The following CASK variants were observed in gnomAD, a reference collection of about 807,000 sequenced individuals.
CASK encodes calcium/calmodulin dependent serine protein kinase, also known as peripheral plasma membrane protein CASK.
Under a neutral mutation model 82.9 loss-of-function variants are expected in CASK, and 4 were observed. The observed-to-expected ratio is 0.05, with a 90% CI of 0.02 to 0.11. The LOEUF (loss-of-function observed/expected upper bound fraction) is 0.11, where lower values mean the gene tolerates loss of function less well. CASK is among the 10% of genes least tolerant of loss of function. The pLI is 1.00. For synonymous variants in CASK, 259 were observed against 253.5 expected, an observed-to-expected ratio of 1.02 and a Z score of -0.20; for missense variants, 358 against 720.9, an observed-to-expected ratio of 0.50 and a Z score of 5.76.
chrX:41,896,434 TAGGGA>T (rs1221304399), intron 1 of CASK, among the ~76,000 whole-genome samples: 2 of 112,029 alleles, frequency 1.8e-5, no homozygotes, highest in Non-Finnish European at 3.8e-5. Flanking sequence ...ACAGATAATA[TAGGGA>T]AAAGACAATG....
intron 7 of CASK, among the ~76,000 whole-genome samples, chrX:41,664,539 C>T (rs746359162): frequency 9.0e-5 from 10 of 111,712 alleles, no homozygotes; most frequent in Non-Finnish European, 1.7e-4. Flanking sequence ...CCCAGACACA[C>T]ACATCCCCAT....
intron 8 of CASK, among the ~76,000 whole-genome samples, chrX:41,650,662 C>CTAATTACTTAGAGTAATTACTCAG (rs1162553768): frequency 3.7e-5 from 4 of 109,034 alleles, no homozygotes; most frequent in African/African-American, 6.7e-5. Context: ...CCACCTTACT[C>CTAATTACTTAGAGTAATTACTCAG]TAATTACTTA....
chrX:41,556,595 A>C (rs1397671614), intron 19 of CASK, among the ~76,000 whole-genome samples: 1 of 112,190 alleles, frequency 8.9e-6, no homozygotes, highest in Non-Finnish European at 1.9e-5. Flanking sequence ...AGATAGCGGA[A>C]ACTAAAACAT....
intron 5 of CASK, among the ~76,000 whole-genome samples, chrX:41,688,312 ACTT>A (rs1312782782): frequency 8.9e-6 from 1 of 111,826 alleles, no homozygotes; most frequent in Non-Finnish European, 1.9e-5. Context: ...ATAAAAACTA[ACTT>A]CTTCATTTCA....
intron 8 of CASK, among the ~76,000 whole-genome samples, chrX:41,654,605 G>T (rs2066908257): frequency 9.0e-6 from 1 of 111,297 alleles, no homozygotes; most frequent in East Asian, 2.8e-4. Flanking sequence ...CCTGGGAGGC[G>T]GAGGTTGCAG....
chrX:41,810,107 G>A (rs746859534), intron 2 of CASK, among the ~76,000 whole-genome samples: 9 of 112,252 alleles, frequency 8.0e-5, no homozygotes, highest in African/African-American at 2.6e-4. Context: ...CCAAATCTAC[G>A]TCTGATTGGT....
At position 41,542,672 on chromosome X, in the gene CASK, C is replaced by T; in HGVS notation, c.2155+19G>A. 9.9e-7 allele frequency: 1 copy of T among 1,006,506 alleles called. No individual in the cohort carries two copies. Among genetic ancestry groups the T allele is most frequent in the Non-Finnish European group, 1.4e-6 (1 of 708,638 alleles). The allele number at this position is 1,006,506 out of a possible 1,213,427, so 82.9% of individuals were successfully genotyped here. A position where few individuals can be genotyped will look rare whatever the true frequency, so the allele number is the denominator to read the frequency against. Reference sequence around the variant, plus strand: ...GAGATGCTTAACCCAGCCTCAGTAACAGTTGTGCTTTTCCCTACCTGCATT... The same window carrying T: ...GAGATGCTTAACCCAGCCTCAGTAATAGTTGTGCTTTTCCCTACCTGCATT... On this transcript the variant is annotated intron_variant, in intron 22 of 26. Coordinates refer to ENST00000378163, the MANE Select transcript of CASK (RefSeq NM_001367721.1).
intron 2 of CASK, among the ~76,000 whole-genome samples, chrX:41,838,717 G>A (rs1017201614): frequency 9.0e-6 from 1 of 110,684 alleles, no homozygotes; most frequent in Admixed American, 9.6e-5. Context: ...CCAAGATCGC[G>A]CCACTGAACT....
chrX:41,739,589 T>C (rs1209861336), intron 4 of CASK, 133 bp from the exon 5 acceptor site: 5 of 475,453 alleles, frequency 1.1e-5, no homozygotes, highest in African/African-American at 7.2e-5. Context: ...GCAGACAGGA[T>C]TGGTGTAAAG....
rs1420883798 is a variant in CASK, at chrX:41,519,452, C to G, written c.*968G>C. The G allele has an allele frequency of 9.0e-6, 1 of 111,657 alleles. No individual in the cohort carries two copies. The highest frequency in any genetic ancestry group is 3.3e-5 in the African/African-American group (1 of 30,708). 9.2% of individuals were successfully genotyped at this position (111,657 alleles called of 1,213,427 possible). ...TAATTAAAACGTTAATACTCTTAGA[C>G]AACACAGATCTGAAATGGTGAAACC... On this transcript the variant is annotated 3_prime_UTR_variant, in exon 27 of 27. Coordinates refer to ENST00000378163, the MANE Select transcript of CASK (RefSeq NM_001367721.1).
At chrX:41,582,463 C>T (rs2065594955) in intron 14 of CASK, among the ~76,000 whole-genome samples, 3 of 110,839 alleles carry the variant, frequency 2.7e-5, no homozygotes, top group African/African-American at 9.8e-5. Context: ...CTACAGGCGC[C>T]CACCACCATG....
intron 14 of CASK, among the ~76,000 whole-genome samples, chrX:41,578,928 C>T (rs763079025): frequency 3.6e-5 from 4 of 111,792 alleles, no homozygotes; most frequent in South Asian, 3.7e-4. Context: ...TTTTTTAAAA[C>T]GTAAGTGAAT....
intron 5 of CASK, among the ~76,000 whole-genome samples, chrX:41,687,308 T>C (rs1354803750): frequency 8.9e-6 from 1 of 111,922 alleles, no homozygotes; most frequent in African/African-American, 3.3e-5. Context: ...AACCCAAAAA[T>C]CCATCAACAG....
At chrX:41,909,362 A>T (rs2072522090) in intron 1 of CASK, among the ~76,000 whole-genome samples, 1 of 112,389 alleles carries the variant, frequency 8.9e-6, no homozygotes, top group African/African-American at 3.2e-5. Context: ...TAAGCAATTT[A>T]AAAAGAAGCT....
rs146321012 is a variant in CASK at position 41,841,926 on chromosome X, A to G, written c.172+11189T>C. Among the ~76,000 whole-genome samples, 181 of 112,134 alleles carry G rather than the reference A, an allele frequency of 1.6e-3. 1 individual carries two copies. The highest frequency in any genetic ancestry group is 5.6e-3 in the African/African-American group (173 of 30,865). The stretch of plus-strand genomic sequence containing the variant: ...TGGTTGCTTGTGCTTTAGGTGTAAT[A>G]ATGAAGAAACCACTACTTAATCCAA... On this transcript the variant is annotated intron_variant, in intron 2 of 26. Coordinates refer to ENST00000378163, the MANE Select transcript of CASK (RefSeq NM_001367721.1).
chrX:41,822,639 G>A (rs1256141236), intron 2 of CASK, among the ~76,000 whole-genome samples: 2 of 108,386 alleles, frequency 1.8e-5, no homozygotes, highest in Non-Finnish European at 3.8e-5. Context: ...ACTTTCACAA[G>A]GTCAAAATAA....
At chrX:41,673,395 C>T (rs997816119) in intron 5 of CASK, among the ~76,000 whole-genome samples, 4 of 112,078 alleles carry the variant, frequency 3.6e-5, no homozygotes, top group Admixed American at 9.4e-5. Flanking sequence ...GCCCAGATTA[C>T]AGGCATGAGC....
intron 5 of CASK, among the ~76,000 whole-genome samples, chrX:41,706,924 T>C (rs2067895936): frequency 1.8e-5 from 2 of 111,940 alleles, no homozygotes. Context: ...CAAAGCAAAA[T>C]TTCCTTTTCT....
intron 5 of CASK, among the ~76,000 whole-genome samples, chrX:41,674,762 T>C (rs2067243610): frequency 9.0e-6 from 1 of 111,543 alleles, no homozygotes; most frequent in African/African-American, 3.3e-5. Flanking sequence ...TACAATTTCC[T>C]TTAGAGAAGT....
Sources: gnomAD v4.1 joint callset for allele counts (sites outside exome capture counted in the v4.1 genomes callset) on GRCh38, gnomAD v4.1.1 for gene constraint, MANE v1.5 for transcripts, NCBI Gene and HGNC (gene_info 2026-07-23, HGNC 2026-07-21) for gene names.